The following FER variants were observed in gnomAD, a reference collection of about 807,000 sequenced individuals.
FER encodes the protein tyrosine-protein kinase Fer.
A neutral mutation model predicts 111.0 loss-of-function variants in FER; 63 were observed. The observed-to-expected ratio is 0.57, with a 90% CI of 0.46 to 0.70. FER has a LOEUF of 0.70. Ranked by LOEUF, FER falls within the 30% of genes least tolerant of loss-of-function variation. FER has a pLI of 0.00. For missense variants in FER, 914 were observed against 954.0 expected (o/e 0.96, Z 0.55); for synonymous variants, 327 against 313.9 (o/e 1.04, Z -0.44).
chr5:109,029,101 A>C lies in FER; in HGVS notation c.1657-8321A>C, dbSNP rs531761759. Among the ~76,000 whole-genome samples, 391 of 152,324 alleles carry C rather than the reference A, an allele frequency of 2.6e-3. 4 individuals are homozygous for C. Among genetic ancestry groups the C allele is most frequent in the Non-Finnish European group, 1.3e-3 (86 of 68,026 alleles). ...TCACCAAAGGTGGTCAAGAGTATAG[A>C]GATAAGCAGAAACTGAATGAAACAG... On this transcript the variant is annotated intron_variant, in intron 13 of 19. Coordinates refer to ENST00000281092, the MANE Select transcript of FER (RefSeq NM_005246.4).
intron 3 of FER, among the ~76,000 whole-genome samples, chr5:108,819,349 T>C (rs573995869): frequency 1.6e-4 from 25 of 152,020 alleles, no homozygotes; most frequent in Non-Finnish European, 3.2e-4. Context: ...CTTAAAGTAG[T>C]TTGTAGATAT....
At chr5:108,932,289 G>C (rs553684091) in intron 10 of FER, among the ~76,000 whole-genome samples, 2 of 152,222 alleles carry the variant, frequency 1.3e-5, no homozygotes, top group African/African-American at 2.4e-5. Context: ...TTCTGTTCCT[G>C]TGTTAGTTTG....
chr5:109,015,615 T>C (rs1419156514), intron 13 of FER, among the ~76,000 whole-genome samples: 1 of 151,952 alleles, frequency 6.6e-6, no homozygotes, highest in Non-Finnish European at 1.5e-5. Flanking sequence ...GACATAAGCA[T>C]GAACAGAACT....
intron 16 of FER, among the ~76,000 whole-genome samples, chr5:109,071,627 G>A (rs1425244039): frequency 6.6e-6 from 1 of 151,634 alleles, no homozygotes; most frequent in African/African-American, 2.4e-5. Flanking sequence ...ACAGTATACA[G>A]TCTTATCTTT....
At chr5:109,111,372 T>C (rs941844313) in intron 17 of FER, among the ~76,000 whole-genome samples, 40 of 152,274 alleles carry the variant, frequency 2.6e-4, no homozygotes, top group African/African-American at 9.1e-4. Flanking sequence ...ATTTATTTGC[T>C]ATTATGTTTG....
intron 13 of FER, among the ~76,000 whole-genome samples, chr5:108,967,782 A>C (rs985759651): frequency 6.6e-6 from 1 of 151,484 alleles, no homozygotes; most frequent in South Asian, 2.1e-4. Context: ...AAAAAAAAAA[A>C]ACAATTAGGA....
chr5:108,932,350 C>G (rs985285717), intron 10 of FER, among the ~76,000 whole-genome samples: 2 of 152,156 alleles, frequency 1.3e-5, no homozygotes, highest in African/African-American at 4.8e-5. Context: ...AAGACATGAA[C>G]TCATCTTTTT....
intron 9 of FER, among the ~76,000 whole-genome samples, chr5:108,893,696 C>T (rs541772809): frequency 2.8e-4 from 42 of 151,732 alleles, no homozygotes; most frequent in African/African-American, 8.5e-4. Flanking sequence ...GGCTGAATGA[C>T]GAACAGCAAC....
intron 13 of FER, among the ~76,000 whole-genome samples, chr5:109,029,170 A>C (rs1199043483): frequency 6.6e-6 from 1 of 151,730 alleles, no homozygotes; most frequent in African/African-American, 2.4e-5. Context: ...TGTGAAAGTT[A>C]AGGTAGAGCT....
At chr5:108,855,358 C>T (rs537264848) in intron 5 of FER, among the ~76,000 whole-genome samples, 25 of 152,134 alleles carry the variant, frequency 1.6e-4, no homozygotes, top group African/African-American at 4.8e-4. Flanking sequence ...ACCGGCCGGG[C>T]GCGGTGGCTC....
intron 13 of FER, among the ~76,000 whole-genome samples, chr5:109,006,759 C>G (rs1271873351): frequency 2.0e-5 from 3 of 152,034 alleles, no homozygotes; most frequent in Non-Finnish European, 2.9e-5. Context: ...TTGAACAAAC[C>G]TGTTTTCATT....
At chr5:108,847,483 A>G (rs7734002) in intron 5 of FER, among the ~76,000 whole-genome samples, 3,289 of 152,082 alleles carry the variant, frequency 0.022, 112 homozygotes, top group African/African-American at 0.076. Context: ...GTATTATGCT[A>G]TTGTTCTTTG....
intron 13 of FER, among the ~76,000 whole-genome samples, chr5:109,017,490 A>G (rs965281244): frequency 6.6e-6 from 1 of 151,990 alleles, no homozygotes; most frequent in Non-Finnish European, 1.5e-5. Flanking sequence ...CATGCCTTAT[A>G]AATAAGTCTT....
At chr5:108,852,507 A>C (rs1762631955) in intron 5 of FER, among the ~76,000 whole-genome samples, 1 of 152,152 alleles carries the variant, frequency 6.6e-6, no homozygotes, top group African/African-American at 2.4e-5. Context: ...CGATATTTAA[A>C]TATCAAATTT....
chr5:109,164,027 A>T (rs192057313), intron 17 of FER, among the ~76,000 whole-genome samples: 1 of 152,298 alleles, frequency 6.6e-6, no homozygotes, highest in East Asian at 1.9e-4. Context: ...CAGTCACCCA[A>T]ATACCTAAGC....
At chr5:108,816,754 C>T (rs1253276080) in intron 3 of FER, among the ~76,000 whole-genome samples, 1 of 152,006 alleles carries the variant, frequency 6.6e-6, no homozygotes, top group Non-Finnish European at 1.5e-5. Context: ...CCATCCAAAG[C>T]CTGTTAAATA....
intron 5 of FER, among the ~76,000 whole-genome samples, chr5:108,837,398 A>C (rs1369258154): frequency 6.6e-6 from 1 of 152,184 alleles, no homozygotes; most frequent in Non-Finnish European, 1.5e-5. Flanking sequence ...AATCATCAAG[A>C]ATAGTTTAAA....
chr5:108,751,363 T>C (rs576586688), intron 1 of FER, among the ~76,000 whole-genome samples: 2 of 152,290 alleles, frequency 1.3e-5, no homozygotes, highest in East Asian at 3.9e-4. Context: ...TACATGAGAC[T>C]ATTCAAAGCA....
chr5:108,804,334 G>T (rs1329221463), intron 3 of FER, among the ~76,000 whole-genome samples: 1 of 151,884 alleles, frequency 6.6e-6, no homozygotes, highest in East Asian at 1.9e-4. Context: ...TTTTTCTCTT[G>T]CCTGATTGTT....
Sources: gnomAD v4.1 joint callset for allele counts (sites outside exome capture counted in the v4.1 genomes callset) on GRCh38, gnomAD v4.1.1 for gene constraint, MANE v1.5 for transcripts, NCBI Gene and HGNC (gene_info 2026-07-23, HGNC 2026-07-21) for gene names.